The following PHACTR1 variants were observed in gnomAD, a reference collection of about 807,000 sequenced individuals.
The protein encoded by PHACTR1 is RPEL repeat containing 1.
In PHACTR1, 16 loss-of-function variants were observed where a neutral mutation model predicts 69.2. The ratio of observed to expected loss-of-function variants is 0.23; its 90% CI spans 0.16 to 0.35. The LOEUF (loss-of-function observed/expected upper bound fraction) is 0.35, where lower values mean the gene tolerates loss of function less well. Among genes scored for constraint, PHACTR1 ranks in the 10% least tolerant of loss-of-function variants. The pLI is 1.00. For missense variants in PHACTR1, 510 were observed against 734.7 expected (o/e 0.69, Z 3.54); for synonymous variants, 312 against 284.5 (o/e 1.10, Z -0.97).
chr6:13,156,702 TC>T (rs1758228911), intron 5 of PHACTR1, among the ~76,000 whole-genome samples: 1 of 152,226 alleles, frequency 6.6e-6, no homozygotes, highest in Non-Finnish European at 1.5e-5. Flanking sequence ...ATCGAACTTG[TC>T]ATGCATCCTC....
intron 6 of PHACTR1, among the ~76,000 whole-genome samples, chr6:13,161,002 C>G (rs189943087): frequency 6.6e-6 from 1 of 152,160 alleles, no homozygotes; most frequent in Admixed American, 6.5e-5. Flanking sequence ...ATTTTGGAGA[C>G]AGGTTCTTGC....
intron 5 of PHACTR1, among the ~76,000 whole-genome samples, chr6:13,146,243 A>C (rs1400079533): frequency 1.3e-5 from 2 of 152,210 alleles, no homozygotes; most frequent in African/African-American, 4.8e-5. Flanking sequence ...AATACATAAT[A>C]AGTGTTACCA....
chr6:12,901,893 G>A (rs780583314), intron 4 of PHACTR1, among the ~76,000 whole-genome samples: 11 of 152,162 alleles, frequency 7.2e-5, no homozygotes, highest in South Asian at 6.2e-4. Flanking sequence ...ATAAACTCCA[G>A]TGTCTATGCT....
intron 12 of PHACTR1, chr6:13,281,626 A>G (rs919102742): frequency 2.4e-5 from 4 of 166,054 alleles, no homozygotes; most frequent in Non-Finnish European, 5.4e-5. Context: ...GCAAGTCCTG[A>G]GGAACACAGA....
chr6:13,195,784 C>G, intron 7 of PHACTR1, among the ~76,000 whole-genome samples: 1 of 46,856 alleles, frequency 2.1e-5, no homozygotes, highest in Non-Finnish European at 4.9e-5. Flanking sequence ...AAAAAAAGTT[C>G]ATTTGTGGTG....
chr6:12,913,456 G>C (rs977406889), intron 4 of PHACTR1, among the ~76,000 whole-genome samples: 1 of 152,186 alleles, frequency 6.6e-6, no homozygotes, highest in African/African-American at 2.4e-5. Flanking sequence ...CTGAGACCAT[G>C]TCTCCCCAGG....
intron 4 of PHACTR1, among the ~76,000 whole-genome samples, chr6:12,894,674 A>G (rs1784481352): frequency 6.6e-6 from 1 of 152,188 alleles, no homozygotes; most frequent in South Asian, 2.1e-4. Flanking sequence ...ACCACATAGT[A>G]GAGTTAGACA....
chr6:12,911,368 T>C (rs1786374358), intron 4 of PHACTR1, among the ~76,000 whole-genome samples: 1 of 152,144 alleles, frequency 6.6e-6, no homozygotes, highest in Non-Finnish European at 1.5e-5. Context: ...AGAAAGAGAA[T>C]TAGAATATAT....
chr6:13,074,292 A>G (rs1810052518), intron 5 of PHACTR1, among the ~76,000 whole-genome samples: 1 of 152,202 alleles, frequency 6.6e-6, no homozygotes, highest in African/African-American at 2.4e-5. Context: ...AATTAAGGAT[A>G]TACAAATTGA....
intron 7 of PHACTR1, among the ~76,000 whole-genome samples, chr6:13,185,358 C>T (rs946334469): frequency 1.3e-5 from 2 of 151,998 alleles, no homozygotes; most frequent in African/African-American, 4.8e-5. Flanking sequence ...GTGCCTTCTC[C>T]ATATGAGTAT....
rs1421136778 is a variant in PHACTR1 at position 12,823,276 on chromosome 6, G to A, written c.250+73486G>A. On this transcript the variant is annotated intron_variant, in intron 4 of 14. Coordinates refer to ENST00000332995, the MANE Select transcript of PHACTR1 (RefSeq NM_030948.6). ...GTCAATATATTTAAAGTGTTTGGAA[G>A]AAGAAATGACACATGGTGAGTGCTT... 7.2e-5 allele frequency among the ~76,000 whole-genome samples: 11 copies of A among 152,314 alleles called. No homozygotes were observed. The South Asian group carries it at 1.9e-3, about 26-fold the overall frequency.
intron 3 of PHACTR1, among the ~76,000 whole-genome samples, chr6:12,726,100 A>C (rs1310839052): frequency 6.6e-6 from 1 of 152,200 alleles, no homozygotes; most frequent in East Asian, 1.9e-4. Context: ...AATGGAAGCA[A>C]GTCATCAACT....
At chr6:13,025,299 T>C (rs1801525898) in intron 4 of PHACTR1, among the ~76,000 whole-genome samples, 1 of 151,930 alleles carries the variant, frequency 6.6e-6, no homozygotes, top group East Asian at 1.9e-4. Context: ...AGTCAAGAAA[T>C]AAAAAGTAAA....
At chr6:12,857,874 G>A (rs960389734) in intron 4 of PHACTR1, among the ~76,000 whole-genome samples, 4 of 152,124 alleles carry the variant, frequency 2.6e-5, no homozygotes, top group African/African-American at 9.7e-5. Context: ...CAAGGGATTT[G>A]TAGTCACAAG....
chr6:12,836,052 C>A (rs1309399082), intron 4 of PHACTR1, among the ~76,000 whole-genome samples: 1 of 151,932 alleles, frequency 6.6e-6, no homozygotes, highest in Non-Finnish European at 1.5e-5. Flanking sequence ...TATTTAAAAC[C>A]ACAAAACAAC....
In PHACTR1 at chr6:12,860,791, T is replaced by A. The variant is rs142868521; in HGVS notation, c.250+111001T>A. Among the ~76,000 whole-genome samples the A allele has an allele frequency of 6.4e-3, 969 of 152,352 alleles. 18 individuals carry two copies. Among genetic ancestry groups the A allele is most frequent in the African/African-American group, 0.022 (895 of 41,574 alleles). On this transcript the variant is annotated intron_variant, in intron 4 of 14. Transcript: ENST00000332995. ...CATATGTTCGTTGGCCACATAAATG[T>A]CTTCTTTTGAAAAGTGTCTGTTCAT...
intron 4 of PHACTR1, among the ~76,000 whole-genome samples, chr6:12,897,272 T>A (rs953938299): frequency 6.6e-6 from 1 of 152,270 alleles, no homozygotes; most frequent in African/African-American, 2.4e-5. Context: ...GCGGTATCTA[T>A]GTCATTAAGT....
At chr6:13,167,794 A>G (rs1378746608) in intron 6 of PHACTR1, among the ~76,000 whole-genome samples, 1 of 152,230 alleles carries the variant, frequency 6.6e-6, no homozygotes, top group Non-Finnish European at 1.5e-5. Flanking sequence ...TGTTATTTTT[A>G]ATTATAAACA....
intron 5 of PHACTR1, among the ~76,000 whole-genome samples, chr6:13,120,355 C>G (rs976660723): frequency 2.6e-5 from 4 of 152,106 alleles, no homozygotes; most frequent in African/African-American, 9.7e-5. Flanking sequence ...ACAAGGGGCC[C>G]CACTGTGACA....
Sources: gnomAD v4.1 joint callset for allele counts (sites outside exome capture counted in the v4.1 genomes callset) on GRCh38, gnomAD v4.1.1 for gene constraint, MANE v1.5 for transcripts, NCBI Gene and HGNC (gene_info 2026-07-23, HGNC 2026-07-21) for gene names.